The following RGS6 variants were observed in gnomAD, a reference collection of about 807,000 sequenced individuals.
RGS6 encodes regulator of G-protein signaling 6.
Under a neutral mutation model 78.5 loss-of-function variants are expected in RGS6, and 30 were observed. The observed-to-expected ratio is 0.38, with a 90% CI of 0.29 to 0.52. The LOEUF (loss-of-function observed/expected upper bound fraction) is 0.52. RGS6 is among the 20% of genes least tolerant of loss of function. RGS6 has a pLI of 0.85. For missense variants in RGS6, 495 were observed against 609.7 expected, an observed-to-expected ratio of 0.81 and a Z score of 1.98; for synonymous variants, 206 against 206.0, an observed-to-expected ratio of 1.00 and a Z score of 0.00.
chr14:72,357,060 C>T (rs964248690), intron 3 of RGS6, among the ~76,000 whole-genome samples: 23 of 152,014 alleles, frequency 1.5e-4, no homozygotes, highest in Non-Finnish European at 8.8e-5. Context: ...CATTTGAGGT[C>T]GGGAGTTCAA....
chr14:72,254,039 G>A (rs2056499795), intron 2 of RGS6, among the ~76,000 whole-genome samples: 1 of 152,168 alleles, frequency 6.6e-6, no homozygotes, highest in Non-Finnish European at 1.5e-5. Flanking sequence ...TAACGATGAT[G>A]TTTTGATTAT....
intron 2 of RGS6, among the ~76,000 whole-genome samples, chr14:72,339,948 C>G (rs2076681836): frequency 6.6e-6 from 1 of 152,134 alleles, no homozygotes; most frequent in Admixed American, 6.5e-5. Context: ...GTTGCACCTC[C>G]TTCTTTGCGG....
rs969825911 is a variant in RGS6, at chr14:72,540,327, C to T, written c.1422+233C>T. ...CCTCTGCAGAAGGTGCACCCTTGAT[C>T]GCCCAGCCTCAGGCCTGGGCATTTG... On this transcript the variant is annotated intron_variant, in intron 17 of 17. Transcript: ENST00000553525. 41 of 1,468,466 alleles carry T rather than the reference C, an allele frequency of 2.8e-5. No individual in the cohort carries two copies. The South Asian group carries it at 4.7e-4, about 17-fold the overall frequency. 91.0% of individuals were successfully genotyped at this position (1,468,466 alleles called of 1,614,324 possible).
At chr14:72,373,395 G>C (rs964806638) in intron 3 of RGS6, among the ~76,000 whole-genome samples, 1 of 152,134 alleles carries the variant, frequency 6.6e-6, no homozygotes, top group Non-Finnish European at 1.5e-5. Context: ...AATACCCATT[G>C]GGGCAGAACA....
intron 2 of RGS6, among the ~76,000 whole-genome samples, chr14:72,026,124 G>A (rs571291803): frequency 1.3e-5 from 2 of 152,078 alleles, no homozygotes; most frequent in East Asian, 1.9e-4. Context: ...TAGCCATCAG[G>A]GGCCGGGCAT....
chr14:71,950,206 G>A (rs1390258341), intron 1 of RGS6, among the ~76,000 whole-genome samples: 2 of 152,152 alleles, frequency 1.3e-5, no homozygotes, highest in African/African-American at 4.8e-5. Context: ...CACCAGAACA[G>A]CATGGTATTG....
chr14:72,397,213 CT>C (rs1381289779), intron 3 of RGS6, among the ~76,000 whole-genome samples: 8 of 152,188 alleles, frequency 5.3e-5, no homozygotes, highest in Non-Finnish European at 1.5e-5. Flanking sequence ...TTTGTATCCT[CT>C]TTTATTTCAT....
chr14:72,244,526 C>G (rs1441409106), intron 2 of RGS6, among the ~76,000 whole-genome samples: 1 of 152,202 alleles, frequency 6.6e-6, no homozygotes, highest in East Asian at 1.9e-4. Context: ...CCATTGGGGA[C>G]TGTGAAGTTA....
chr14:72,217,744 T>C (rs1414881092), intron 2 of RGS6, among the ~76,000 whole-genome samples: 1 of 152,166 alleles, frequency 6.6e-6, no homozygotes, highest in Admixed American at 6.5e-5. Flanking sequence ...TACAAACATA[T>C]ATACATTTTT....
chr14:72,312,118 G>A (rs10145775), intron 2 of RGS6, among the ~76,000 whole-genome samples: 3,824 of 152,162 alleles, frequency 0.025, 153 homozygotes, highest in African/African-American at 0.087. Flanking sequence ...CTCATTCTGC[G>A]CAAGGATCGC....
chr14:72,536,707 G>A (rs2097255705), intron 16 of RGS6, among the ~76,000 whole-genome samples: 1 of 152,116 alleles, frequency 6.6e-6, no homozygotes, highest in Non-Finnish European at 1.5e-5. Context: ...ATGAGGCCAG[G>A]GTTGGGGCAG....
rs112696041 is a variant in RGS6, at chr14:72,352,201, C to A, written c.184+7C>A. On this transcript the variant is annotated splice_region_variant and intron_variant, in intron 3 of 17. Coordinates refer to ENST00000553525, the MANE Select transcript of RGS6 (RefSeq NM_001204424.2). The stretch of plus-strand genomic sequence containing the variant: ...ATCCCCAGTGTCGTCACAGGTAACA[C>A]CCTCCTTGCAAGGTGTTGGTAACAG... 2 of 1,607,620 alleles carry A rather than the reference C, an allele frequency of 1.2e-6. No individual in the cohort carries two copies. Among genetic ancestry groups the A allele is most frequent in the Admixed American group, 1.7e-5 (1 of 59,738 alleles).
the RGS6 span, among the ~76,000 whole-genome samples, chr14:71,876,530 A>G: frequency 5.7e-5 from 4 of 70,680 alleles, no homozygotes; most frequent in East Asian, 1.8e-3. Flanking sequence ...TTTGCTTGGT[A>G]GATCTTCCTC....
At chr14:72,327,764 C>G (rs1401227633) in intron 2 of RGS6, among the ~76,000 whole-genome samples, 6 of 152,188 alleles carry the variant, frequency 3.9e-5, no homozygotes, top group African/African-American at 1.4e-4. Flanking sequence ...CCGTTTGTCA[C>G]TGGAGATGTT....
At chr14:72,389,301 TCTTTA>T (rs1317671902) in intron 3 of RGS6, among the ~76,000 whole-genome samples, 2 of 152,148 alleles carry the variant, frequency 1.3e-5, no homozygotes, top group Non-Finnish European at 2.9e-5. Context: ...TTTCTTTCCT[TCTTTA>T]CTTAGCATCT....
intron 2 of RGS6, among the ~76,000 whole-genome samples, chr14:72,318,366 T>C (rs1199353493): frequency 1.3e-5 from 2 of 152,142 alleles, no homozygotes; most frequent in Non-Finnish European, 2.9e-5. Flanking sequence ...AGGATGGGTC[T>C]GCCTTTCCCA....
chr14:71,936,258 G>A (rs544747065), intron 1 of RGS6, among the ~76,000 whole-genome samples: 4 of 151,902 alleles, frequency 2.6e-5, no homozygotes, highest in Admixed American at 2.0e-4. Context: ...AGATGTTTGA[G>A]GGCAGGAAGC....
rs539055031 is a variant in RGS6, at chr14:72,257,907, C to G, written c.85-94188C>G. On this transcript the variant is annotated intron_variant, in intron 2 of 17. Coordinates refer to ENST00000553525, the MANE Select transcript of RGS6 (RefSeq NM_001204424.2). The stretch of plus-strand genomic sequence containing the variant: ...TTAAACAAGTTTAAAAACCACTGCT[C>G]TAGCATTGTTTATAAGAAAAGAAAC... Among the ~76,000 whole-genome samples the G allele has an allele frequency of 2.0e-5, 3 of 152,324 alleles. No homozygotes were observed. In the South Asian group the frequency reaches 6.2e-4, roughly 32 times the overall value.
chr14:72,349,296 G>T (rs1051191745), intron 2 of RGS6, among the ~76,000 whole-genome samples: 9 of 152,190 alleles, frequency 5.9e-5, no homozygotes, highest in African/African-American at 1.9e-4. Flanking sequence ...CATCTTCCTT[G>T]AAATAACAAC....
Sources: gnomAD v4.1 joint callset for allele counts (sites outside exome capture counted in the v4.1 genomes callset) on GRCh38, gnomAD v4.1.1 for gene constraint, MANE v1.5 for transcripts, NCBI Gene and HGNC (gene_info 2026-07-23, HGNC 2026-07-21) for gene names.